Variants in PODXL2 observed in about 807,000 individuals in gnomAD.
PODXL2 encodes podocalyxin-like protein 2.
A neutral mutation model predicts 53.4 loss-of-function variants in PODXL2; 17 were observed. The ratio of observed to expected loss-of-function variants is 0.32; its 90% CI spans 0.22 to 0.48. The LOEUF (loss-of-function observed/expected upper bound fraction) is 0.48, where lower values mean the gene tolerates loss of function less well. PODXL2 is among the 20% of genes least tolerant of loss of function. The pLI is 0.99. For synonymous variants in PODXL2, 311 were observed against 306.7 expected (o/e 1.01, Z -0.15); for missense variants, 673 against 760.0 (o/e 0.89, Z 1.35).
At chr3:127,661,474 C>T (rs550649353) in intron 3 of PODXL2, among the ~76,000 whole-genome samples, 38 of 151,590 alleles carry the variant, frequency 2.5e-4, no homozygotes, top group African/African-American at 8.0e-4. Context: ...CTCACTCTGT[C>T]GCCCAGGCTG....
At chr3:127,633,025 GA>G (rs2074556597) in intron 1 of PODXL2, among the ~76,000 whole-genome samples, 1 of 152,196 alleles carries the variant, frequency 6.6e-6, no homozygotes, top group Non-Finnish European at 1.5e-5. Context: ...GTTTATAGAT[GA>G]AACATTTCCA....
At chr3:127,656,157 C>G (rs563566507) in intron 2 of PODXL2, among the ~76,000 whole-genome samples, 1 of 152,344 alleles carries the variant, frequency 6.6e-6, no homozygotes, top group East Asian at 1.9e-4. Flanking sequence ...CTATTTTATT[C>G]TTACTTAAGA....
chr3:127,644,051 A>G (rs753005371), intron 2 of PODXL2, among the ~76,000 whole-genome samples: 8 of 152,136 alleles, frequency 5.3e-5, no homozygotes, highest in African/African-American at 1.9e-4. Context: ...TAGATCATCT[A>G]TTGTCATGGC....
chr3:127,660,081 A>G (rs2074754394), intron 2 of PODXL2, among the ~76,000 whole-genome samples: 1 of 152,250 alleles, frequency 6.6e-6, no homozygotes, highest in Non-Finnish European at 1.5e-5. Context: ...AGTGGAGAAT[A>G]TATACCTCAA....
In PODXL2 at chr3:127,636,645, G is replaced by T. The variant is rs142478545; in HGVS notation, c.71-2600G>T. 3.5e-4 allele frequency among the ~76,000 whole-genome samples: 54 copies of T among 152,316 alleles called. No homozygotes were observed. The East Asian group carries it at 0.01, about 28-fold the overall frequency. On this transcript the variant is annotated intron_variant, in intron 1 of 7. Coordinates refer to ENST00000342480, the MANE Select transcript of PODXL2 (RefSeq NM_015720.4). ...GGCCCTGCCTGGAAGCAGAATCTTT[G>T]TCCGTGGACATGGTGCCTAGGACAG...
Position 127,672,237 on chromosome 3 carries a change from T to TCGCC in PODXL2, c.1606-29_1606-26dup, listed in dbSNP as rs2074852173. 8 of 1,526,872 alleles carry TCGCC rather than the reference T, an allele frequency of 5.2e-6. No homozygotes were observed. In the South Asian group the frequency reaches 9.6e-5, roughly 18 times the overall value. The allele number at this position is 1,526,872 out of a possible 1,614,324, so 94.6% of individuals were successfully genotyped here. ...TGGCGCTGTCCGGGGGCTGGCTCGC[T>TCGCC]CGCCCATGGCCTCTCCCCACCCCGC... On this transcript the variant is annotated intron_variant, in intron 7 of 7. Coordinates refer to ENST00000342480, the MANE Select transcript of PODXL2 (RefSeq NM_015720.4).
In PODXL2 at chr3:127,660,943, C is replaced by T; in HGVS notation, c.915C>T (p.Ala305=). 6.2e-7 allele frequency: 1 copy of T among 1,614,258 alleles called. No individual in the cohort carries two copies. Among genetic ancestry groups the T allele is most frequent in the South Asian group, 1.1e-5 (1 of 91,090 alleles). ...GLSGQHEEVP[A]LPSFPQTTAP... is the part of the protein sequence containing the mutation. ...CTGGCCAGCACGAGGAGGTGCCGGC[C>T]TTGCCTTCATTCCCTCAAACCACAG... The change falls in exon 3 of 8, where the codon GCC becomes GCT. Residue 305 remains alanine (A), a synonymous_variant. Transcript: ENST00000342480.
At chr3:127,660,057 C>G (rs761388974) in intron 2 of PODXL2, among the ~76,000 whole-genome samples, 6 of 152,192 alleles carry the variant, frequency 3.9e-5, no homozygotes, top group Non-Finnish European at 8.8e-5. Context: ...GACAAGCAAG[C>G]ACATTACAAA....
chr3:127,663,654 T>A (rs1255292745), intron 4 of PODXL2, among the ~76,000 whole-genome samples: 1 of 152,258 alleles, frequency 6.6e-6, no homozygotes, highest in Non-Finnish European at 1.5e-5. Flanking sequence ...CTCTTTGAGT[T>A]GGCCTCTGAG....
chr3:127,660,718 A>G lies in PODXL2; in HGVS notation c.690A>G (p.Ser230=). The part of the protein sequence containing the change: ...SRHEDSGDQA[S]SGVEVESSMG... ...ATGAAGACTCCGGGGACCAGGCCTC[A>G]TCAGGTGTGGAGGTGGAGAGCAGCA... Residue 230 remains serine, a synonymous_variant, in exon 3 of 8, where the codon TCA becomes TCG. Transcript: ENST00000342480. 2 of 1,614,116 alleles carry G rather than the reference A, an allele frequency of 1.2e-6. No individual in the cohort carries two copies. The highest frequency in any genetic ancestry group is 1.7e-6 in the Non-Finnish European group (2 of 1,180,004).
At chr3:127,666,509 G>A (rs2074795718) in intron 4 of PODXL2, among the ~76,000 whole-genome samples, 2 of 152,162 alleles carry the variant, frequency 1.3e-5, no homozygotes, top group Non-Finnish European at 2.9e-5. Flanking sequence ...CCAGGCTCAC[G>A]TGATCCTCCC....
chr3:127,672,179 C>T, intron 7 of PODXL2, 89 bp from the exon 8 acceptor site: 1 of 1,051,576 alleles, frequency 9.5e-7, no homozygotes. Flanking sequence ...CGCGGGAACC[C>T]CCTGGGTGGG....
At chr3:127,635,758 A>G (rs905212471) in intron 1 of PODXL2, among the ~76,000 whole-genome samples, 4 of 152,212 alleles carry the variant, frequency 2.6e-5, no homozygotes, top group African/African-American at 9.7e-5. Flanking sequence ...TGCTGGTTCA[A>G]GTTTGAAAGC....
At position 127,639,402 on chromosome 3, in the gene PODXL2, C is replaced by G. The variant is rs751628267; in HGVS notation, c.228C>G (p.Ala76=). The G allele has an allele frequency of 1.2e-6, 2 of 1,614,248 alleles. No homozygotes were observed. The highest frequency in any genetic ancestry group is 1.7e-6 in the Non-Finnish European group (2 of 1,180,030). The change falls in exon 2 of 8, where the codon GCC becomes GCG. Residue 76 remains alanine, a synonymous_variant. Coordinates refer to ENST00000342480, the MANE Select transcript of PODXL2 (RefSeq NM_015720.4). The part of the protein sequence containing the change: ...ETMGLGAGLG[A]PGSGFPSEEN... Reference sequence around the variant, plus strand: ...TGGGCCTGGGAGCTGGGCTGGGAGCCCCTGGCTCAGGCTTCCCCAGCGAAG... The same window carrying G: ...TGGGCCTGGGAGCTGGGCTGGGAGCGCCTGGCTCAGGCTTCCCCAGCGAAG...
At chr3:127,639,123 G>A in intron 1 of PODXL2, 122 bp from the exon 2 acceptor site, 1 of 986,588 alleles carries the variant, frequency 1.0e-6, no homozygotes, top group Non-Finnish European at 1.5e-6. Context: ...TGGGTTTTCA[G>A]GAGTGTCCAC....
Position 127,639,515 on chromosome 3 carries a change from C to G in PODXL2, c.341C>G (p.Pro114Arg), listed in dbSNP as rs561691142. Residue 114 changes from proline to arginine, a missense_variant, in exon 2 of 8, where the codon CCC becomes CGC. Physicochemically the swap from Pro to Arg is moderately radical, Grantham distance 103. Around this residue, in one of 3 missense-constraint regions of PODXL2, gnomAD observed 588 missense variants for 668.3 expected, o/e 0.88. Transcript: ENST00000342480. ...AATGACTCAAGTCTGGACCTGGGAC[C>G]CACTGCAGGTAGCTCTTCTTACCTA... is the stretch of plus-strand genomic sequence containing the variant. ...ELNDSSLDLG[P>R]TADYVFPDLT... is the part of the protein sequence containing the mutation. The G allele has an allele frequency of 3.1e-6, 5 of 1,611,774 alleles. No homozygotes were observed. Among genetic ancestry groups the G allele is most frequent in the East Asian group, 4.5e-5 (2 of 44,862 alleles).
chr3:127,666,960 C>A (rs1301766953), intron 4 of PODXL2, among the ~76,000 whole-genome samples: 3 of 152,190 alleles, frequency 2.0e-5, no homozygotes, highest in African/African-American at 4.8e-5. Context: ...TGTTTTGTAA[C>A]CAGGGGTCTG....
At chr3:127,663,834 A>G (rs915681796) in intron 4 of PODXL2, among the ~76,000 whole-genome samples, 1 of 152,208 alleles carries the variant, frequency 6.6e-6, no homozygotes, top group African/African-American at 2.4e-5. Flanking sequence ...TTTGGTGTGC[A>G]TACTTGAACA....
In PODXL2 at chr3:127,660,993, A is replaced by T. The variant is rs1238802690; in HGVS notation, c.965A>T (p.Asp322Val). 1.7e-5 allele frequency: 27 copies of T among 1,614,198 alleles called. No individual in the cohort carries two copies. The highest frequency in any genetic ancestry group is 2.2e-5 in the Non-Finnish European group (26 of 1,180,040). Reference sequence around the variant, plus strand: ...GCTCCCAGTGGGGCCGAGCACCCAGATGAAGATCCCCTTGGCTCTAGAACC... The same window carrying T: ...GCTCCCAGTGGGGCCGAGCACCCAGTTGAAGATCCCCTTGGCTCTAGAACC... ...TTAPSGAEHP[D>V]EDPLGSRTSA... The change falls in exon 3 of 8, where the codon GAT becomes GTT. Residue 322 changes from aspartate to valine, a missense_variant. Around this residue, in one of 3 missense-constraint regions of PODXL2, gnomAD observed 588 missense variants for 668.3 expected, o/e 0.88. Transcript: ENST00000342480.
Sources: allele counts gnomAD v4.1 joint callset (sites outside exome capture counted in the v4.1 genomes callset), GRCh38; gene constraint gnomAD v4.1.1; regional missense constraint gnomAD v4.1.1; transcripts MANE v1.5; gene names NCBI Gene and HGNC (gene_info 2026-07-23, HGNC 2026-07-21).